Variants in ALK observed in about 807,000 individuals in gnomAD.
ALK encodes the protein ALK tyrosine kinase receptor.
ALK carries 74 observed loss-of-function variants against 163.1 expected under a neutral mutation model. The observed-to-expected ratio is 0.45, with a 90% CI of 0.38 to 0.55. ALK has a LOEUF of 0.55. Ranked by LOEUF, ALK falls within the 20% of genes least tolerant of loss-of-function variation. The pLI, the probability that ALK is intolerant of heterozygous loss-of-function variation, is 0.00. For missense variants in ALK, 2,063 were observed against 2,105.3 expected (o/e 0.98, Z 0.39); for synonymous variants, 960 against 843.2 (o/e 1.14, Z -2.40).
At chr2:29,390,745 G>A (rs1669147959) in intron 4 of ALK, among the ~76,000 whole-genome samples, 1 of 152,192 alleles carries the variant, frequency 6.6e-6, no homozygotes, top group African/African-American at 2.4e-5. Flanking sequence ...TGCATTTAAA[G>A]CATTTTTATG....
At chr2:29,231,252 C>T (rs1027878330) in intron 15 of ALK, among the ~76,000 whole-genome samples, 11 of 152,192 alleles carry the variant, frequency 7.2e-5, no homozygotes, top group South Asian at 2.1e-4. Flanking sequence ...GCAGGAGAAT[C>T]GCTTGAACCT....
At chr2:29,817,102 T>G (rs944928935) in intron 1 of ALK, among the ~76,000 whole-genome samples, 10 of 152,112 alleles carry the variant, frequency 6.6e-5, no homozygotes, top group African/African-American at 2.4e-4. Context: ...AGTAGTAACC[T>G]GCCCAAGGTC....
At chr2:29,218,045 T>C (rs562619399) in intron 23 of ALK, among the ~76,000 whole-genome samples, 1 of 152,274 alleles carries the variant, frequency 6.6e-6, no homozygotes, top group East Asian at 1.9e-4. Flanking sequence ...CGAGAATCCA[T>C]GCAGGAAGCC....
intron 1 of ALK, among the ~76,000 whole-genome samples, chr2:29,896,878 A>C (rs1261067851): frequency 1.3e-5 from 2 of 152,238 alleles, no homozygotes; most frequent in Non-Finnish European, 2.9e-5. Context: ...GTGTAAATAC[A>C]TGGAAATATT....
At chr2:29,560,901 GA>G (rs1171871727) in intron 3 of ALK, among the ~76,000 whole-genome samples, 1 of 151,092 alleles carries the variant, frequency 6.6e-6, no homozygotes, top group Admixed American at 6.6e-5. Context: ...AAAAATTATT[GA>G]TTTTTTTTTT....
rs745961954 is a variant in ALK at position 29,207,220 on chromosome 2, G to C, written c.3889C>G (p.Pro1297Ala). ...ATTCCTTCCATGAAGGCCTCTGGGG[G>C]CATCCACTTAACTGGCAGCATGGCA... ...GCAMLPVKWM[P>A]PEAFMEGIFT... The change falls in exon 26 of 29, where the codon CCC (proline) becomes GCC (alanine). Residue 1297 changes from proline (P) to alanine (A), a missense_variant. Coordinates refer to ENST00000389048, the MANE Select transcript of ALK (RefSeq NM_004304.5). 1 of 1,614,138 alleles carries C rather than the reference G, an allele frequency of 6.2e-7. No homozygotes were observed. The highest frequency in any genetic ancestry group is 1.7e-5 in the Admixed American group (1 of 60,026).
At chr2:29,375,402 T>C (rs192696226) in intron 5 of ALK, among the ~76,000 whole-genome samples, 2,395 of 152,290 alleles carry the variant, frequency 0.016, 54 homozygotes, top group African/African-American at 0.054. Flanking sequence ...CACTGCAAGC[T>C]CTGCCTCCCA....
chr2:29,384,876 C>A (rs1478226612), intron 4 of ALK, among the ~76,000 whole-genome samples: 1 of 152,082 alleles, frequency 6.6e-6, no homozygotes, highest in Non-Finnish European at 1.5e-5. Flanking sequence ...CATGGTGAAA[C>A]CCTGTCTCTA....
chr2:29,422,913 GTT>G lies in ALK; in HGVS notation c.1155-39056_1155-39055del, dbSNP rs59625011. On this transcript the variant is annotated intron_variant, in intron 4 of 28. Coordinates refer to ENST00000389048, the MANE Select transcript of ALK (RefSeq NM_004304.5). ...CCTCAATCCTAATAACACTTGATAT[GTT>G]TTTTTTTTTTTTTTCCCAGCATCAA... Among the ~76,000 whole-genome samples, 683 of 138,664 alleles carry G rather than the reference GTT, an allele frequency of 4.9e-3. 10 individuals are homozygous for G. Among genetic ancestry groups the G allele is most frequent in the African/African-American group, 0.016 (618 of 38,074 alleles). 91.0% of individuals were successfully genotyped at this position (138,664 alleles called of 152,430 possible).
intron 1 of ALK, among the ~76,000 whole-genome samples, chr2:29,867,809 C>G (rs969066644): frequency 3.9e-5 from 6 of 152,186 alleles, no homozygotes; most frequent in Admixed American, 6.5e-5. Flanking sequence ...CTATATTTGA[C>G]CTTCATGCTT....
chr2:29,515,186 C>T (rs1672628478), intron 4 of ALK, among the ~76,000 whole-genome samples: 1 of 152,186 alleles, frequency 6.6e-6, no homozygotes, highest in Admixed American at 6.5e-5. Flanking sequence ...CACTTGAGTT[C>T]AAATGCCACC....
At chr2:29,453,755 G>A (rs370989637) in intron 4 of ALK, among the ~76,000 whole-genome samples, 4 of 152,222 alleles carry the variant, frequency 2.6e-5, no homozygotes, top group African/African-American at 9.6e-5. Flanking sequence ...ACGATATGGA[G>A]CAAGTGTGAG....
At chr2:29,801,882 C>T (rs1308309005) in intron 1 of ALK, among the ~76,000 whole-genome samples, 1 of 152,148 alleles carries the variant, frequency 6.6e-6, no homozygotes, top group East Asian at 1.9e-4. Flanking sequence ...ATTCTTTCTA[C>T]TACAGAGCTG....
intron 12 of ALK, among the ~76,000 whole-genome samples, 190 bp downstream of exon 12, chr2:29,250,915 T>C (rs890355962): frequency 5.3e-5 from 8 of 152,198 alleles, no homozygotes; most frequent in African/African-American, 1.4e-4. Flanking sequence ...AGGACACATC[T>C]TCTTTTGTTG....
intron 4 of ALK, among the ~76,000 whole-genome samples, chr2:29,485,935 C>T (rs1317535972): frequency 6.6e-6 from 1 of 152,128 alleles, no homozygotes; most frequent in African/African-American, 2.4e-5. Context: ...CTGATTCTGG[C>T]CCTGGCCTTT....
intron 9 of ALK, among the ~76,000 whole-genome samples, chr2:29,284,503 A>T (rs1245963956): frequency 6.6e-6 from 1 of 152,182 alleles, no homozygotes; most frequent in Non-Finnish European, 1.5e-5. Context: ...CAAGCTGTGG[A>T]TGTTACCAAG....
rs193223289 is a variant in ALK, at chr2:29,735,066, G to A, written c.668-17369C>T. 1.1e-4 allele frequency among the ~76,000 whole-genome samples: 17 copies of A among 152,102 alleles called. No homozygotes were observed. The South Asian group carries it at 1.2e-3, about 11-fold the overall frequency. ...CCATGAAACAGGTATTGGTATTCTC[G>A]TTTTGCATATGAAGAAATTAAAAGG... is the stretch of plus-strand genomic sequence containing the variant. On this transcript the variant is annotated intron_variant, in intron 1 of 28. Coordinates refer to ENST00000389048, the MANE Select transcript of ALK (RefSeq NM_004304.5).
intron 5 of ALK, among the ~76,000 whole-genome samples, chr2:29,359,350 G>A (rs1668335406): frequency 6.6e-6 from 1 of 152,142 alleles, no homozygotes; most frequent in South Asian, 2.1e-4. Context: ...CCCACTTTAA[G>A]TTCCATCAAA....
Position 29,831,384 on chromosome 2 carries a change from C to T in ALK, c.667+88609G>A, listed in dbSNP as rs1170716925. On this transcript the variant is annotated intron_variant, in intron 1 of 28. Transcript: ENST00000389048. ...TCAGAATCTGGGTTTTCATTAGACT[C>T]CTAGGAGTTCTGGATATATATTACA... Among the ~76,000 whole-genome samples, 4 of 151,524 alleles carry T rather than the reference C, an allele frequency of 2.6e-5. No individual in the cohort carries two copies. In the East Asian group the frequency reaches 7.9e-4, roughly 30 times the overall value.
Sources: allele counts gnomAD v4.1 joint callset (sites outside exome capture counted in the v4.1 genomes callset), GRCh38; gene constraint gnomAD v4.1.1; transcripts MANE v1.5; gene names NCBI Gene and HGNC (gene_info 2026-07-23, HGNC 2026-07-21).